Variants in CCND2 observed in about 807,000 individuals in gnomAD.
CCND2 encodes cyclin D2, also known as G1/S-specific cyclin-D2.
In CCND2, 6 loss-of-function variants were observed where a neutral mutation model predicts 30.2. That is an observed-to-expected ratio of 0.20 (90% CI 0.11 to 0.39). The LOEUF is 0.39. Among genes scored for constraint, CCND2 ranks in the 10% least tolerant of loss-of-function variants. The probability of loss-of-function intolerance (pLI) is 1.00; values close to 1 mark genes in which losing one functional copy is unlikely to be tolerated. For synonymous variants in CCND2, 150 were observed against 153.1 expected (o/e 0.98, Z 0.15); for missense variants, 235 against 373.4 (o/e 0.63, Z 3.06).
intron 4 of CCND2, among the ~76,000 whole-genome samples, chr12:4,289,393 A>C (rs1392459312): frequency 4.6e-5 from 7 of 152,076 alleles, no homozygotes; most frequent in Non-Finnish European, 1.0e-4. Context: ...GAGAAAGGAG[A>C]GCCAGGACTC....
chr12:4,285,173 TG>T lies in CCND2; in HGVS notation c.572-3663del. 1.1e-5 allele frequency: 4 copies of T among 378,070 alleles called. No homozygotes were observed. Among genetic ancestry groups the T allele is most frequent in the Non-Finnish European group, 1.5e-5 (4 of 275,232 alleles). The allele number at this position is 378,070 out of a possible 1,614,324, so 23.4% of individuals were successfully genotyped here. ...TAAGAAGTCTGAATATTGTACGTTT[TG>T]GGGGGAGTCCTCCATGCTGCCTGGA... On this transcript the variant is annotated intron_variant, in intron 3 of 4. Coordinates refer to ENST00000261254, the MANE Select transcript of CCND2 (RefSeq NM_001759.4). This position sits in a 1 kb window ranked among gnomAD's most constrained non-coding sequence, Gnocchi z 4.1.
rs189565515 is a variant in CCND2 at position 4,295,260 on chromosome 12, G to A, written c.721-4600G>A. Reference sequence around the variant, plus strand: ...TTGCCCTTTTAGTCTTGCTGAACTAGAATGAGGGATTTGTGTAGTCGAAAG... The same window carrying A: ...TTGCCCTTTTAGTCTTGCTGAACTAAAATGAGGGATTTGTGTAGTCGAAAG... On this transcript the variant is annotated intron_variant, in intron 4 of 4. Coordinates refer to ENST00000261254, the MANE Select transcript of CCND2 (RefSeq NM_001759.4). 1.4e-3 allele frequency among the ~76,000 whole-genome samples: 207 copies of A among 152,334 alleles called. 1 individual carries two copies. The highest frequency in any genetic ancestry group is 4.8e-3 in the African/African-American group (201 of 41,560).
chr12:4,284,472 C>T (rs1230774985), intron 3 of CCND2, among the ~76,000 whole-genome samples: 2 of 152,186 alleles, frequency 1.3e-5, no homozygotes, highest in Admixed American at 6.5e-5. Context: ...GGCCCTGGGA[C>T]GGCCTCTGTT....
chr12:4,300,058 T>C lies in CCND2; in HGVS notation c.*49T>C, dbSNP rs775868165. 19 of 1,542,558 alleles carry C rather than the reference T, an allele frequency of 1.2e-5. No homozygotes were observed. Among genetic ancestry groups the C allele is most frequent in the South Asian group, 1.2e-4 (10 of 83,174 alleles). ...AGAGACGCGTCCATAATCTGGTCTC[T>C]TCTTCTTTCTGGTTGTTTTTGTTCT... On this transcript the variant is annotated 3_prime_UTR_variant, in exon 5 of 5. Transcript: ENST00000261254.
At chr12:4,279,020 G>A in intron 3 of CCND2, 101 bp downstream of exon 3, 1 of 1,219,988 alleles carries the variant, frequency 8.2e-7, no homozygotes, top group African/African-American at 1.5e-5. Context: ...TAGTTCAGGA[G>A]TTTGGAGGAG....
Position 4,299,088 on chromosome 12 carries a change from G to A in CCND2, c.721-772G>A, listed in dbSNP as rs552747109. 2.5e-3 allele frequency among the ~76,000 whole-genome samples: 377 copies of A among 152,236 alleles called. 2 individuals carry two copies. The highest frequency in any genetic ancestry group is 8.5e-3 in the African/African-American group (351 of 41,520). On this transcript the variant is annotated intron_variant, in intron 4 of 4. Transcript: ENST00000261254. The surrounding 1 kb of genome is among the most constrained non-coding windows in gnomAD (Gnocchi z 5.2). The stretch of plus-strand genomic sequence containing the variant: ...TTTTTTTAAGTATTTACAGTGAGGC[G>A]CGGTGGCTCATGCCTGTAATCCCAG...
chr12:4,297,596 A>AG (rs1864191555), intron 4 of CCND2, among the ~76,000 whole-genome samples: 1 of 150,556 alleles, frequency 6.6e-6, no homozygotes, highest in African/African-American at 2.5e-5. Context: ...AAAAAAAAAA[A>AG]ACAGAAAAGA....
At position 4,303,552 on chromosome 12, in the gene CCND2, T is replaced by A. The variant is rs149766775; in HGVS notation, c.*3543T>A. ...TTCTCCATCAGTGGGGGCCGAGTTG[T>A]TCCCCCAGCCTGCCAAATTTTGATC... is the stretch of plus-strand genomic sequence containing the variant. On this transcript the variant is annotated 3_prime_UTR_variant, in exon 5 of 5. Coordinates refer to ENST00000261254, the MANE Select transcript of CCND2 (RefSeq NM_001759.4). This position sits in a 1 kb window ranked among gnomAD's most constrained non-coding sequence, Gnocchi z 4.6. 4.3e-6 allele frequency: 1 copy of A among 233,632 alleles called. No homozygotes were observed. The highest frequency in any genetic ancestry group is 1.8e-4 in the South Asian group (1 of 5,534). 14.5% of individuals were successfully genotyped at this position (233,632 alleles called of 1,614,324 possible).
At chr12:4,292,760 A>AGG (rs1296553755) in intron 4 of CCND2, among the ~76,000 whole-genome samples, 1 of 152,090 alleles carries the variant, frequency 6.6e-6, no homozygotes, top group African/African-American at 2.4e-5. Context: ...GTTTGGCTGT[A>AGG]GGGGGGACGT....
chr12:4,296,663 A>G (rs765963654), intron 4 of CCND2, among the ~76,000 whole-genome samples: 9 of 151,250 alleles, frequency 6.0e-5, no homozygotes, highest in Non-Finnish European at 1.3e-4. Flanking sequence ...CACTGCCTCT[A>G]TGGTATGGAG....
intron 2 of CCND2, 52 bp from the exon 3 acceptor site, chr12:4,278,708 G>C (rs1216959479): frequency 5.0e-6 from 8 of 1,596,228 alleles, no homozygotes; most frequent in Non-Finnish European, 6.9e-6. Flanking sequence ...CCTACACCAG[G>C]TCAGCCTGTG....
At chr12:4,286,346 C>A (rs950084327) in intron 3 of CCND2, among the ~76,000 whole-genome samples, 4 of 152,182 alleles carry the variant, frequency 2.6e-5, no homozygotes, top group Non-Finnish European at 5.9e-5. Flanking sequence ...AATGGGAAAC[C>A]AAGCCCTTGG....
At chr12:4,277,979 G>A (rs1863897137) in intron 2 of CCND2, among the ~76,000 whole-genome samples, 1 of 99,386 alleles carries the variant, frequency 1.0e-5, no homozygotes, top group Admixed American at 1.0e-4. Flanking sequence ...TTGCTGGTGA[G>A]AGACCCAAGA....
chr12:4,287,953 A>T lies in CCND2; in HGVS notation c.572-889A>T, dbSNP rs1025724370. Among the ~76,000 whole-genome samples, 1 of 152,212 alleles carries T rather than the reference A, an allele frequency of 6.6e-6. No individual in the cohort carries two copies. Among genetic ancestry groups the T allele is most frequent in the African/African-American group, 2.4e-5 (1 of 41,460 alleles). ...CAAGCCCCTCTGATTTATTATCCTC[A>T]TTCTGCACTTCCCTGTAGCAAGTCA... is the stretch of plus-strand genomic sequence containing the variant. On this transcript the variant is annotated intron_variant, in intron 3 of 4. Transcript: ENST00000261254. This position sits in a 1 kb window ranked among gnomAD's most constrained non-coding sequence, Gnocchi z 4.0.
Position 4,285,890 on chromosome 12 carries a change from G to T in CCND2, c.572-2952G>T, listed in dbSNP as rs536739725. 6.6e-6 allele frequency among the ~76,000 whole-genome samples: 1 copy of T among 152,312 alleles called. No homozygotes were observed. Among genetic ancestry groups the T allele is most frequent in the African/African-American group, 2.4e-5 (1 of 41,572 alleles). On this transcript the variant is annotated intron_variant, in intron 3 of 4. Transcript: ENST00000261254. This position sits in a 1 kb window ranked among gnomAD's most constrained non-coding sequence, Gnocchi z 4.1. ...CCTGGTGCCACGGGGAAGTAGCGCCGCTCTGTGGAGAGGGCTGCTTTGTGA... is the reference window on the plus strand; with the variant it reads ...CCTGGTGCCACGGGGAAGTAGCGCCTCTCTGTGGAGAGGGCTGCTTTGTGA...
At position 4,282,161 on chromosome 12, in the gene CCND2, A is replaced by G. The variant is rs1863957187; in HGVS notation, c.571+3242A>G. On this transcript the variant is annotated intron_variant, in intron 3 of 4. Transcript: ENST00000261254. The surrounding 1 kb of genome is among the most constrained non-coding windows in gnomAD (Gnocchi z 4.3). ...TGGGAGATTGTTGAGATGTGATACC[A>G]TGCTCGGTGGATGATTCCAGTTAGT... Among the ~76,000 whole-genome samples, 1 of 152,124 alleles carries G rather than the reference A, an allele frequency of 6.6e-6. No homozygotes were observed. The highest frequency in any genetic ancestry group is 1.5e-5 in the Non-Finnish European group (1 of 68,008).
intron 4 of CCND2, among the ~76,000 whole-genome samples, chr12:4,296,708 A>G (rs1009710896): frequency 9.7e-5 from 11 of 113,920 alleles, no homozygotes; most frequent in African/African-American, 3.0e-4. Context: ...TCTTGGGGAA[A>G]AAAAAAAAAA....
intron 3 of CCND2, among the ~76,000 whole-genome samples, chr12:4,283,488 C>T (rs560415200): frequency 3.2e-4 from 49 of 152,268 alleles, no homozygotes; most frequent in Non-Finnish European, 6.6e-4. Flanking sequence ...GATCCCAGGC[C>T]CAACACTCAC....
chr12:4,274,298 G>T lies in CCND2; in HGVS notation c.195+63G>T. Reference sequence around the variant, plus strand: ...CCTCCGGATGCTCGGGTCCCCGGCCGGAGCCCTAAACCTGGGAGAGGGCAA... The same window carrying T: ...CCTCCGGATGCTCGGGTCCCCGGCCTGAGCCCTAAACCTGGGAGAGGGCAA... On this transcript the variant is annotated intron_variant, in intron 1 of 4. Coordinates refer to ENST00000261254, the MANE Select transcript of CCND2 (RefSeq NM_001759.4). This position sits in a 1 kb window ranked among gnomAD's most constrained non-coding sequence, Gnocchi z 7.7. 1 of 1,560,524 alleles carries T rather than the reference G, an allele frequency of 6.4e-7. No individual in the cohort carries two copies. Among genetic ancestry groups the T allele is most frequent in the Non-Finnish European group, 8.8e-7 (1 of 1,139,936 alleles).
Sources: gnomAD v4.1 joint callset for allele counts (sites outside exome capture counted in the v4.1 genomes callset) on GRCh38, gnomAD v4.1.1 for gene constraint, Gnocchi (gnomAD v3.1) non-coding constraint, MANE v1.5 for transcripts, NCBI Gene and HGNC (gene_info 2026-07-23, HGNC 2026-07-21) for gene names.